ARHGAP6: variants seen among roughly 807,000 people sequenced by gnomAD.
The protein encoded by ARHGAP6 is Rho GTPase activating protein 6, also known as rho GTPase-activating protein 6.
Under a neutral mutation model 55.7 loss-of-function variants are expected in ARHGAP6, and 16 were observed. The ratio of observed to expected loss-of-function variants is 0.29; its 90% CI spans 0.19 to 0.44. The LOEUF (loss-of-function observed/expected upper bound fraction) is 0.44. ARHGAP6 is among the 20% of genes least tolerant of loss of function. ARHGAP6 has a pLI of 1.00. For missense variants in ARHGAP6, 698 were observed against 808.9 expected, an observed-to-expected ratio of 0.86 and a Z score of 1.66; for synonymous variants, 382 against 360.9, an observed-to-expected ratio of 1.06 and a Z score of -0.66.
chrX:11,250,140 C>T (rs980660862), intron 2 of ARHGAP6, among the ~76,000 whole-genome samples: 5 of 111,802 alleles, frequency 4.5e-5, no homozygotes, highest in African/African-American at 1.6e-4. Context: ...CAGGGTTAAT[C>T]TCCATTTTAT....
At chrX:11,294,764 A>T (rs1367524827) in intron 1 of ARHGAP6, 1 of 1,209,138 alleles carries the variant, frequency 8.3e-7, no homozygotes, top group African/African-American at 1.7e-5. Flanking sequence ...GTGGATGTTG[A>T]CTTACATTTC....
At chrX:11,379,004 T>A (rs1473437515) in intron 1 of ARHGAP6, among the ~76,000 whole-genome samples, 1 of 112,639 alleles carries the variant, frequency 8.9e-6, no homozygotes, top group East Asian at 2.8e-4. Context: ...CAGCTATTGC[T>A]GTGTAATAAC....
At chrX:11,414,700 A>G (rs1168737412) in intron 1 of ARHGAP6, among the ~76,000 whole-genome samples, 2 of 111,955 alleles carry the variant, frequency 1.8e-5, no homozygotes, top group Admixed American at 1.9e-4. Context: ...TTACATGTCA[A>G]AATTGATCAA....
intron 1 of ARHGAP6, among the ~76,000 whole-genome samples, chrX:11,619,923 C>T (rs545268874): frequency 1.8e-5 from 2 of 111,952 alleles, no homozygotes; most frequent in Middle Eastern, 4.6e-3. Flanking sequence ...CTCCTGCTGC[C>T]CTCCTCTCCC....
chrX:11,207,837 G>A (rs190999262), intron 2 of ARHGAP6, among the ~76,000 whole-genome samples: 14 of 111,490 alleles, frequency 1.3e-4, no homozygotes, highest in Admixed American at 7.6e-4. Flanking sequence ...TTGTCTCCCC[G>A]TCCTCTGCTC....
At chrX:11,184,958 C>A (rs1252890660) in intron 5 of ARHGAP6, among the ~76,000 whole-genome samples, 1 of 112,081 alleles carries the variant, frequency 8.9e-6, no homozygotes, top group Non-Finnish European at 1.9e-5. Flanking sequence ...CCTAGTGCTC[C>A]TACATTACAA....
chrX:11,275,051 T>C (rs1425739234), intron 1 of ARHGAP6, among the ~76,000 whole-genome samples: 1 of 111,771 alleles, frequency 8.9e-6, no homozygotes, highest in African/African-American at 3.3e-5. Flanking sequence ...GAAAAGACAT[T>C]CATACTAGAG....
intron 1 of ARHGAP6, among the ~76,000 whole-genome samples, chrX:11,596,160 T>G (rs1438903066): frequency 8.9e-6 from 1 of 111,863 alleles, no homozygotes. Context: ...TAGCAAAGAC[T>G]TGGAACCAAC....
intron 1 of ARHGAP6, among the ~76,000 whole-genome samples, chrX:11,589,044 A>T (rs1369500295): frequency 1.0e-5 from 1 of 96,559 alleles, no homozygotes; most frequent in Non-Finnish European, 2.1e-5. Flanking sequence ...CTGCATTGGA[A>T]TTTTTTTTTT....
chrX:11,521,010 T>A (rs1349242099), intron 1 of ARHGAP6, among the ~76,000 whole-genome samples: 3 of 112,155 alleles, frequency 2.7e-5, no homozygotes, highest in African/African-American at 9.7e-5. Context: ...GATGGGGTTG[T>A]TTTTTTCTTG....
At chrX:11,284,167 C>T (rs757306518) in intron 1 of ARHGAP6, among the ~76,000 whole-genome samples, 2 of 111,427 alleles carry the variant, frequency 1.8e-5, no homozygotes, top group Admixed American at 9.6e-5. Flanking sequence ...AACAGTTCTC[C>T]GATTTAAGCA....
At chrX:11,444,897 C>A (rs916922393) in intron 1 of ARHGAP6, among the ~76,000 whole-genome samples, 2 of 111,988 alleles carry the variant, frequency 1.8e-5, no homozygotes, top group African/African-American at 6.5e-5. Flanking sequence ...ATCTTTAACA[C>A]CAAAGGAATG....
chrX:11,430,674 C>G (rs1177214191), intron 1 of ARHGAP6, among the ~76,000 whole-genome samples: 1 of 112,582 alleles, frequency 8.9e-6, no homozygotes, highest in Non-Finnish European at 1.9e-5. Flanking sequence ...TTGCATATCT[C>G]TACTTCCAAG....
chrX:11,380,268 C>T (rs939463730), intron 1 of ARHGAP6, among the ~76,000 whole-genome samples: 5 of 111,503 alleles, frequency 4.5e-5, no homozygotes, highest in Non-Finnish European at 9.4e-5. Context: ...ACTAAGTCTC[C>T]GAGACTTCCC....
chrX:11,249,466 C>G (rs761142158), intron 2 of ARHGAP6, among the ~76,000 whole-genome samples: 1 of 111,411 alleles, frequency 9.0e-6, no homozygotes, highest in African/African-American at 3.3e-5. Context: ...TGCCAAATTG[C>G]CTTGCACCCT....
At chrX:11,507,979 C>A (rs2050750745) in intron 1 of ARHGAP6, among the ~76,000 whole-genome samples, 1 of 111,450 alleles carries the variant, frequency 9.0e-6, no homozygotes, top group African/African-American at 3.3e-5. Context: ...AGTCAAAACA[C>A]CCTCGTGGAA....
At chrX:11,633,161 C>T (rs1051274224) in intron 1 of ARHGAP6, among the ~76,000 whole-genome samples, 1 of 112,511 alleles carries the variant, frequency 8.9e-6, no homozygotes. Context: ...AGCACTCAAA[C>T]CCTTAGCTCT....
chrX:11,270,452 A>T (rs960095867), intron 1 of ARHGAP6, among the ~76,000 whole-genome samples: 3 of 111,950 alleles, frequency 2.7e-5, no homozygotes, highest in Non-Finnish European at 3.8e-5. Context: ...AAAGAAAGCC[A>T]ATAGATGGGG....
At chrX:11,438,659 T>A (rs1335317734) in intron 1 of ARHGAP6, among the ~76,000 whole-genome samples, 4 of 113,004 alleles carry the variant, frequency 3.5e-5, no homozygotes. Flanking sequence ...GTTTCTATCT[T>A]GCCTTTACTT....
Sources: gnomAD v4.1 joint callset for allele counts (sites outside exome capture counted in the v4.1 genomes callset) on GRCh38, gnomAD v4.1.1 for gene constraint, MANE v1.5 for transcripts, NCBI Gene and HGNC (gene_info 2026-07-23, HGNC 2026-07-21) for gene names.